Variants in HEMK2 observed in about 807,000 individuals in gnomAD.
The protein encoded by HEMK2 is HemK methyltransferase 2, ETF1 glutamine and histone H4 lysine.
At chr21:28,669,475 TTGTGGTTAGACTTAACCA>T in the HEMK2 span, among the ~76,000 whole-genome samples, 90 of 152,316 alleles carry the variant, frequency 5.9e-4, 1 homozygote, top group African/African-American at 2.0e-3. Context: ...TTTCCCTACC[TTGTGGTTAGACTTAACCA>T]TGTGACTCAC....
the HEMK2 span, chr21:28,876,529 T>C: frequency 7.3e-7 from 1 of 1,364,912 alleles, no homozygotes; most frequent in East Asian, 2.3e-5. Flanking sequence ...CATTAAGCCA[T>C]TTGGTAGTGT....
the HEMK2 span, among the ~76,000 whole-genome samples, chr21:28,716,432 C>T: frequency 6.6e-6 from 1 of 152,094 alleles, no homozygotes; most frequent in Non-Finnish European, 1.5e-5. Flanking sequence ...TGGCTCTCAG[C>T]TTGAACACTA....
chr21:28,822,532 A>T, the HEMK2 span, among the ~76,000 whole-genome samples: 11,665 of 151,880 alleles, frequency 0.077, 486 homozygotes, highest in Middle Eastern at 0.11. Flanking sequence ...TCCCTAGTTT[A>T]TTTCCTTAAA....
the HEMK2 span, among the ~76,000 whole-genome samples, chr21:28,742,924 A>C: frequency 0.23 from 34,766 of 152,030 alleles, 4,613 homozygotes; most frequent in African/African-American, 0.35. Flanking sequence ...TTCTCCTATG[A>C]ACCATTTTTA....
At chr21:28,803,918 A>G in the HEMK2 span, among the ~76,000 whole-genome samples, 3 of 152,368 alleles carry the variant, frequency 2.0e-5, no homozygotes, top group East Asian at 5.8e-4. Flanking sequence ...GAGAAGGGCA[A>G]CGAGTTATGC....
At chr21:28,751,055 C>G in the HEMK2 span, among the ~76,000 whole-genome samples, 13 of 152,044 alleles carry the variant, frequency 8.6e-5, 1 homozygote, top group East Asian at 2.5e-3. Flanking sequence ...CAAGGTGAAA[C>G]CCCGTCTCTA....
At chr21:28,687,796 G>A in the HEMK2 span, among the ~76,000 whole-genome samples, 1 of 152,172 alleles carries the variant, frequency 6.6e-6, no homozygotes, top group Non-Finnish European at 1.5e-5. Flanking sequence ...GCCAGGAAAA[G>A]CTTAAGGATG....
At chr21:28,792,569 A>G in the HEMK2 span, among the ~76,000 whole-genome samples, 4 of 152,162 alleles carry the variant, frequency 2.6e-5, no homozygotes, top group South Asian at 4.1e-4. Context: ...TCTATCTCAG[A>G]TGATGTCTTT....
chr21:28,687,176 C>T, the HEMK2 span, among the ~76,000 whole-genome samples: 3 of 152,222 alleles, frequency 2.0e-5, no homozygotes, highest in African/African-American at 7.2e-5. Flanking sequence ...AATGCCTTAG[C>T]TAAAGTTTGC....
chr21:28,751,502 G>A, the HEMK2 span, among the ~76,000 whole-genome samples: 2 of 152,306 alleles, frequency 1.3e-5, no homozygotes, highest in South Asian at 4.1e-4. Context: ...TCCACTGTGG[G>A]TTATTCCAGA....
the HEMK2 span, among the ~76,000 whole-genome samples, chr21:28,838,968 AAAAAATATATATATAT>A: frequency 9.7e-4 from 40 of 41,104 alleles, 1 homozygote; most frequent in South Asian, 0.02. Flanking sequence ...AAAAAAAAAA[AAAAAATATATATATAT>A]ATATATATAT....
At chr21:28,645,740 G>C in the HEMK2 span, among the ~76,000 whole-genome samples, 14 of 152,166 alleles carry the variant, frequency 9.2e-5, no homozygotes, top group Non-Finnish European at 1.9e-4. Context: ...CCTCATAAAA[G>C]AGATCTGAGG....
the HEMK2 span, among the ~76,000 whole-genome samples, chr21:28,839,186 A>C: frequency 6.6e-6 from 1 of 151,570 alleles, no homozygotes; most frequent in Non-Finnish European, 1.5e-5. Context: ...TTATAGTTAA[A>C]ACTCTCAACA....
At chr21:28,581,396 G>A in the HEMK2 span, among the ~76,000 whole-genome samples, 1 of 152,140 alleles carries the variant, frequency 6.6e-6, no homozygotes, top group Non-Finnish European at 1.5e-5. Context: ...TCTGGACTGA[G>A]CGTGGTACAA....
At chr21:28,785,647 T>A in the HEMK2 span, among the ~76,000 whole-genome samples, 1 of 152,204 alleles carries the variant, frequency 6.6e-6, no homozygotes, top group Admixed American at 6.5e-5. Context: ...CAGTCATCAC[T>A]ATGTGAATAT....
chr21:28,719,789 G>A, the HEMK2 span, among the ~76,000 whole-genome samples: 101 of 152,272 alleles, frequency 6.6e-4, no homozygotes, highest in South Asian at 1.0e-3. Flanking sequence ...AAGTGTTGAC[G>A]AAAAGCAACT....
the HEMK2 span, among the ~76,000 whole-genome samples, chr21:28,626,961 A>G: frequency 6.6e-6 from 1 of 152,188 alleles, no homozygotes; most frequent in Non-Finnish European, 1.5e-5. Context: ...TTTTATTCAT[A>G]AGAGCTAAAA....
chr21:28,596,712 G>A, the HEMK2 span, among the ~76,000 whole-genome samples: 1 of 152,146 alleles, frequency 6.6e-6, no homozygotes, highest in African/African-American at 2.4e-5. Flanking sequence ...CATAGCTAGA[G>A]TCTGTAAAAG....
At chr21:28,637,453 T>TA in the HEMK2 span, among the ~76,000 whole-genome samples, 12,861 of 143,408 alleles carry the variant, frequency 0.09, 711 homozygotes, top group South Asian at 0.16. Context: ...TAACAGAAAT[T>TA]AAAAAAAAAA....
Sources: allele counts gnomAD v4.1 joint callset (sites outside exome capture counted in the v4.1 genomes callset), GRCh38; gene constraint gnomAD v4.1.1; transcripts MANE v1.5; gene names NCBI Gene and HGNC (gene_info 2026-07-23, HGNC 2026-07-21).